NTM: variants seen among roughly 807,000 people sequenced by gnomAD.
NTM encodes neurotrimin.
In NTM, 13 loss-of-function variants were observed where a neutral mutation model predicts 42.1. The ratio of observed to expected loss-of-function variants is 0.31; its 90% confidence interval spans 0.20 to 0.49. The LOEUF is 0.49. Among genes scored for constraint, NTM ranks in the 20% least tolerant of loss-of-function variants. The pLI, the probability that NTM is intolerant of heterozygous loss-of-function variation, is 0.99. For synonymous variants in NTM, 187 were observed against 179.2 expected (o/e 1.04, Z -0.35); for missense variants, 373 against 452.8 (o/e 0.82, Z 1.60).
intron 1 of NTM, among the ~76,000 whole-genome samples, chr11:131,689,361 G>T (rs1377978637): frequency 6.6e-6 from 1 of 152,244 alleles, no homozygotes; most frequent in African/African-American, 2.4e-5. Context: ...GCTCAGGAGG[G>T]GCTGGAAGGA....
At chr11:132,036,408 T>C (rs2076517833) in intron 2 of NTM, among the ~76,000 whole-genome samples, 1 of 152,156 alleles carries the variant, frequency 6.6e-6, no homozygotes, top group Non-Finnish European at 1.5e-5. Context: ...GAGATGACAA[T>C]ATCAACCCCA....
chr11:131,669,586 A>T (rs560677487), intron 1 of NTM, among the ~76,000 whole-genome samples: 1 of 152,092 alleles, frequency 6.6e-6, no homozygotes, highest in Non-Finnish European at 1.5e-5. Context: ...GGGGAGGGCA[A>T]CGTCACTCAG....
chr11:131,800,364 CT>C (rs1309920705), intron 1 of NTM, among the ~76,000 whole-genome samples: 7 of 152,344 alleles, frequency 4.6e-5, no homozygotes, highest in Non-Finnish European at 2.9e-5. Flanking sequence ...CAGGAGACTG[CT>C]TTAGAGCTGT....
Position 131,789,517 on chromosome 11 carries a change from AGAAGAAGAAGAAGAAGAAG to A in NTM, c.83-122046_83-122028del, listed in dbSNP as rs2090176833. The stretch of plus-strand genomic sequence containing the variant: ...GGAAAGAAGAAGAAGAAGAAGAAGA[AGAAGAAGAAGAAGAAGAAG>A]AAGAAGAAGAAAAGAAGAAGAAGAA... On this transcript the variant is annotated intron_variant, in intron 1 of 8. Transcript: ENST00000683400. 9.3e-5 allele frequency among the ~76,000 whole-genome samples: 2 copies of A among 21,508 alleles called. 1 individual carries two copies. Among genetic ancestry groups the A allele is most frequent in the African/African-American group, 5.4e-4 (2 of 3,734 alleles). 14.1% of individuals were successfully genotyped at this position (21,508 alleles called of 152,430 possible). A position where few individuals can be genotyped will look rare whatever the true frequency, so the allele number is the denominator to read the frequency against.
At chr11:132,134,038 A>G (rs915460516) in intron 2 of NTM, among the ~76,000 whole-genome samples, 1 of 152,128 alleles carries the variant, frequency 6.6e-6, no homozygotes, top group African/African-American at 2.4e-5. Context: ...TTAATTTTAA[A>G]CAGTCTCACT....
At chr11:131,944,938 A>G (rs2060187524) in intron 2 of NTM, among the ~76,000 whole-genome samples, 1 of 152,194 alleles carries the variant, frequency 6.6e-6, no homozygotes, top group Non-Finnish European at 1.5e-5. Flanking sequence ...AATGCGTTTT[A>G]TCATCTTCCC....
At chr11:131,562,341 G>A (rs2056342469) in intron 1 of NTM, among the ~76,000 whole-genome samples, 1 of 152,152 alleles carries the variant, frequency 6.6e-6, no homozygotes, top group Admixed American at 6.6e-5. Flanking sequence ...AGGAAGAATT[G>A]AAGAATCAAA....
At chr11:132,077,610 G>A (rs577139721) in intron 2 of NTM, among the ~76,000 whole-genome samples, 2 of 152,204 alleles carry the variant, frequency 1.3e-5, no homozygotes, top group African/African-American at 4.8e-5. Context: ...TCTCAAAGCT[G>A]TCTGACTGAT....
At chr11:131,883,920 T>G (rs2049950389) in intron 1 of NTM, among the ~76,000 whole-genome samples, 1 of 152,172 alleles carries the variant, frequency 6.6e-6, no homozygotes, top group Admixed American at 6.5e-5. Context: ...TTTCTTTTAT[T>G]AAAGGGATGC....
At chr11:131,723,467 T>C (rs1220274128) in intron 1 of NTM, among the ~76,000 whole-genome samples, 1 of 152,220 alleles carries the variant, frequency 6.6e-6, no homozygotes, top group Non-Finnish European at 1.5e-5. Flanking sequence ...ACGTAGCAAA[T>C]AAAAACAGAA....
intron 3 of NTM, among the ~76,000 whole-genome samples, chr11:132,153,319 G>T (rs2072400389): frequency 6.6e-6 from 1 of 152,194 alleles, no homozygotes; most frequent in African/African-American, 2.4e-5. Flanking sequence ...TTTTCAAGAT[G>T]TATGCCTTTA....
At chr11:132,120,704 C>T (rs1043410129) in intron 2 of NTM, among the ~76,000 whole-genome samples, 4 of 152,082 alleles carry the variant, frequency 2.6e-5, no homozygotes, top group East Asian at 3.9e-4. Context: ...GATTAGTAGG[C>T]GTTAATATCC....
chr11:131,525,152 C>T (rs1039300898), intron 1 of NTM, among the ~76,000 whole-genome samples: 1 of 152,138 alleles, frequency 6.6e-6, no homozygotes, highest in African/African-American at 2.4e-5. Context: ...GACATGGCCC[C>T]AGAGAGGTCT....
chr11:131,440,746 T>C (rs1338271576), intron 1 of NTM, among the ~76,000 whole-genome samples: 1 of 141,904 alleles, frequency 7.0e-6, no homozygotes, highest in African/African-American at 2.6e-5. Context: ...AGTGACGGAA[T>C]GTAACTCTTC....
chr11:131,560,273 C>T (rs1028487092), intron 1 of NTM, among the ~76,000 whole-genome samples: 1 of 152,120 alleles, frequency 6.6e-6, no homozygotes, highest in Non-Finnish European at 1.5e-5. Context: ...ATGGAAGATC[C>T]CGTTCTTCCT....
At chr11:131,732,867 A>G (rs1347201115) in intron 1 of NTM, among the ~76,000 whole-genome samples, 1 of 152,138 alleles carries the variant, frequency 6.6e-6, no homozygotes, top group South Asian at 2.1e-4. Flanking sequence ...GTTCCCAATG[A>G]TATCTTTCAG....
chr11:132,309,704 A>G (rs2095218923), intron 5 of NTM, among the ~76,000 whole-genome samples: 1 of 152,212 alleles, frequency 6.6e-6, no homozygotes, highest in Admixed American at 6.5e-5. Context: ...TTACCTTCTA[A>G]GTAAGCAGAG....
At chr11:132,321,582 G>T (rs1221345913) in intron 7 of NTM, among the ~76,000 whole-genome samples, 1 of 152,182 alleles carries the variant, frequency 6.6e-6, no homozygotes, top group East Asian at 1.9e-4. Flanking sequence ...GGGAAGAATG[G>T]AACCAAGTTG....
At chr11:131,611,786 A>C (rs2061486710) in intron 1 of NTM, among the ~76,000 whole-genome samples, 1 of 152,332 alleles carries the variant, frequency 6.6e-6, no homozygotes, top group Middle Eastern at 3.4e-3. Context: ...ATGTCAACCA[A>C]GGTGGGAAAG....
Sources: allele counts gnomAD v4.1 joint callset (sites outside exome capture counted in the v4.1 genomes callset), GRCh38; gene constraint gnomAD v4.1.1; transcripts MANE v1.5; gene names NCBI Gene and HGNC (gene_info 2026-07-23, HGNC 2026-07-21).